The following TMEM144 variants were observed in gnomAD, a reference collection of about 807,000 sequenced individuals.
TMEM144 encodes the protein transmembrane protein 144.
Under a neutral mutation model 43.6 loss-of-function variants are expected in TMEM144, and 39 were observed. The observed-to-expected ratio is 0.90, with a 90% CI of 0.69 to 1.17. TMEM144 has a LOEUF of 1.17. TMEM144 is among the 50% of genes most tolerant of loss of function. TMEM144 has a pLI of 0.00. For missense variants in TMEM144, 417 were observed against 411.9 expected, an observed-to-expected ratio of 1.01 and a Z score of -0.11; for synonymous variants, 154 against 133.6, an observed-to-expected ratio of 1.15 and a Z score of -1.06.
In TMEM144 at chr4:158,240,364, T is replaced by G; in HGVS notation, c.748T>G (p.Tyr250Asp). Residue 250 changes from tyrosine to aspartate, a missense_variant, in exon 10 of 13, where the codon TAC (tyrosine) becomes GAC (aspartate). Transcript: ENST00000296529. ...FLTSTVYFLA[Y>D]CIAMKNSPKL... is the part of the protein sequence containing the mutation. ...TACAAGTACTGTCTACTTTCTGGCC[T>G]ACTGCATAGCCATGAAAAATAGTCC... 6.2e-7 allele frequency: 1 copy of G among 1,613,976 alleles called. No individual in the cohort carries two copies. The highest frequency in any genetic ancestry group is 1.1e-5 in the South Asian group (1 of 91,062).
rs1398359577 is a variant in TMEM144 at position 158,253,853 on chromosome 4, C to G, written c.*326C>G. ...GTACCTAGTGTTGCATAATCTAGAA[C>G]ACAGTATAGAGTCCATATACAAAGA... On this transcript the variant is annotated 3_prime_UTR_variant, in exon 13 of 13. Coordinates refer to ENST00000296529, the MANE Select transcript of TMEM144 (RefSeq NM_018342.5). 1.1e-5 allele frequency: 3 copies of G among 278,046 alleles called. No individual in the cohort carries two copies. The East Asian group carries it at 2.8e-4, about 26-fold the overall frequency. 17.2% of individuals were successfully genotyped at this position (278,046 alleles called of 1,614,324 possible).
chr4:158,241,296 G>T (rs1479551363), intron 10 of TMEM144, among the ~76,000 whole-genome samples: 6 of 152,092 alleles, frequency 3.9e-5, no homozygotes, highest in African/African-American at 1.4e-4. Context: ...TGCTGATAAT[G>T]TGAAAGCATT....
intron 6 of TMEM144, among the ~76,000 whole-genome samples, chr4:158,232,546 C>A (rs988735281): frequency 1.3e-5 from 2 of 152,216 alleles, no homozygotes; most frequent in African/African-American, 4.8e-5. Context: ...GTTTGTCCAA[C>A]TGAGGATGTT....
chr4:158,250,727 G>A (rs1005261978), intron 12 of TMEM144, among the ~76,000 whole-genome samples: 8 of 152,206 alleles, frequency 5.3e-5, no homozygotes, highest in Non-Finnish European at 1.2e-4. Context: ...TCTTCACTGA[G>A]TCCTTGAGTG....
chr4:158,236,491 G>A (rs1355928416), intron 8 of TMEM144, among the ~76,000 whole-genome samples: 5 of 152,092 alleles, frequency 3.3e-5, no homozygotes, highest in Admixed American at 6.6e-5. Context: ...GACGCTCCAC[G>A]GCTATGAAGT....
intron 12 of TMEM144, among the ~76,000 whole-genome samples, chr4:158,248,890 T>C (rs1442434281): frequency 6.6e-6 from 1 of 152,198 alleles, no homozygotes; most frequent in East Asian, 1.9e-4. Context: ...GATGTTTTCA[T>C]ACTTCTGATA....
At position 158,247,822 on chromosome 4, in the gene TMEM144, A is replaced by C. The variant is rs1489584799; in HGVS notation, c.954+3473A>C. Among the ~76,000 whole-genome samples the C allele has an allele frequency of 2.6e-5, 4 of 152,120 alleles. No individual in the cohort carries two copies. In the South Asian group the frequency reaches 8.3e-4, roughly 32 times the overall value. On this transcript the variant is annotated intron_variant, in intron 12 of 12. Transcript: ENST00000296529. ...CTGTTATAATTAGGTAGTTCTCTCTAATTACGTTCAGTATAATTCCTGTAA... is the reference window on the plus strand; with the variant it reads ...CTGTTATAATTAGGTAGTTCTCTCTCATTACGTTCAGTATAATTCCTGTAA...
intron 1 of TMEM144, 162 bp from the exon 2 acceptor site, chr4:158,211,291 G>C (rs1372623590): frequency 6.6e-6 from 1 of 152,124 alleles, no homozygotes; most frequent in Non-Finnish European, 1.5e-5. Flanking sequence ...GAGGTGTAGG[G>C]CCTTTGTGGA....
chr4:158,213,439 T>G (rs1220620973), intron 3 of TMEM144: 2 of 152,294 alleles, frequency 1.3e-5, no homozygotes, highest in Non-Finnish European at 2.9e-5. Context: ...TACAGCATCA[T>G]GTAATTAACC....
intron 11 of TMEM144, among the ~76,000 whole-genome samples, chr4:158,242,778 C>T (rs551346586): frequency 6.6e-6 from 1 of 152,248 alleles, no homozygotes; most frequent in South Asian, 2.1e-4. Flanking sequence ...AAGATAGGAG[C>T]GAGTTCACTT....
At chr4:158,230,237 C>T (rs1431507163) in intron 6 of TMEM144, among the ~76,000 whole-genome samples, 1 of 152,228 alleles carries the variant, frequency 6.6e-6, no homozygotes, top group South Asian at 2.1e-4. Flanking sequence ...GGGGGTCCTG[C>T]AGCCCTGTGT....
intron 7 of TMEM144, chr4:158,234,949 C>T (rs892999616): frequency 6.5e-6 from 1 of 152,786 alleles, no homozygotes; most frequent in African/African-American, 2.4e-5. Flanking sequence ...ACTGTAATTC[C>T]ATAGTAGAAA....
intron 3 of TMEM144, chr4:158,214,072 T>G (rs1242196508): frequency 6.6e-6 from 1 of 152,194 alleles, no homozygotes; most frequent in Non-Finnish European, 1.5e-5. Context: ...AGTCTCACTC[T>G]TTCACCGAGG....
chr4:158,226,793 A>G (rs1227600519), intron 6 of TMEM144, among the ~76,000 whole-genome samples: 1 of 152,124 alleles, frequency 6.6e-6, no homozygotes, highest in Non-Finnish European at 1.5e-5. Flanking sequence ...CTGACTTATT[A>G]CAAATATTTT....
At chr4:158,237,688 T>G in intron 9 of TMEM144, 45 bp downstream of exon 9, 1 of 1,282,170 alleles carries the variant, frequency 7.8e-7, no homozygotes, top group Non-Finnish European at 1.1e-6. Context: ...CTACTTTTTA[T>G]GAATATAAAA....
chr4:158,212,574 C>T (rs888771501), intron 2 of TMEM144, 34 bp from the exon 3 acceptor site: 11 of 884,350 alleles, frequency 1.2e-5, no homozygotes, highest in African/African-American at 8.5e-5. Context: ...CACAGATTCA[C>T]GTCTCAATTG....
chr4:158,233,204 C>T (rs1189713191), intron 7 of TMEM144: 8 of 399,484 alleles, frequency 2.0e-5, no homozygotes, highest in African/African-American at 1.2e-4. Context: ...TTTTGATTAA[C>T]AGATCTCTAC....
intron 8 of TMEM144, among the ~76,000 whole-genome samples, chr4:158,236,979 T>C (rs1735381504): frequency 6.6e-6 from 1 of 152,184 alleles, no homozygotes; most frequent in South Asian, 2.1e-4. Context: ...TTGTCTGAAA[T>C]ACCCAGATTA....
chr4:158,253,495 G>A lies in TMEM144; in HGVS notation c.1006G>A (p.Gly336Arg). 6.2e-7 allele frequency: 1 copy of A among 1,613,740 alleles called. No individual in the cohort carries two copies. The highest frequency in any genetic ancestry group is 8.5e-7 in the Non-Finnish European group (1 of 1,179,834). The part of the protein sequence containing the change: ...MILAFCIILT[G>R]ALCTAFSKI ...ACTTGCATTTTGCATCATCTTGACT[G>A]GAGCCTTATGCACTGCTTTTTCTAA... Residue 336 changes from glycine (G) to arginine (R), a missense_variant, in exon 13 of 13, where the codon GGA becomes AGA. Gly to Arg is a moderately radical substitution (Grantham distance 125, BLOSUM62 -2). Transcript: ENST00000296529.
Sources: allele counts gnomAD v4.1 joint callset (sites outside exome capture counted in the v4.1 genomes callset), GRCh38; gene constraint gnomAD v4.1.1; transcripts MANE v1.5; gene names NCBI Gene and HGNC (gene_info 2026-07-23, HGNC 2026-07-21).